POC1B: variants seen among roughly 807,000 people sequenced by gnomAD.
POC1B encodes the protein POC1 centriolar protein B.
A neutral mutation model predicts 60.6 loss-of-function variants in POC1B; 44 were observed. That is an observed-to-expected ratio of 0.73 (90% CI 0.57 to 0.93). The LOEUF is 0.93. Among genes scored for constraint, POC1B ranks in the 40% least tolerant of loss-of-function variants. The pLI is 0.00. For synonymous variants in POC1B, 180 were observed against 198.9 expected, an observed-to-expected ratio of 0.90 and a Z score of 0.80; for missense variants, 555 against 572.3, an observed-to-expected ratio of 0.97 and a Z score of 0.31.
chr12:89,524,095 A>C (rs1180106926), intron 2 of POC1B: 3 of 1,614,004 alleles, frequency 1.9e-6, no homozygotes, highest in Non-Finnish European at 1.7e-6. Context: ...AATGGTACGG[A>C]GCAAAGTCGA....
intron 4 of POC1B, among the ~76,000 whole-genome samples, chr12:89,482,475 C>T (rs1331142131): frequency 6.6e-6 from 1 of 152,020 alleles, no homozygotes. Context: ...TCCATAGATC[C>T]AAACAGTTCA....
At chr12:89,434,346 T>C (rs1367153576) in intron 10 of POC1B, among the ~76,000 whole-genome samples, 1 of 152,206 alleles carries the variant, frequency 6.6e-6, no homozygotes, top group East Asian at 1.9e-4. Context: ...ATTAATTCAG[T>C]CACCTCGGAA....
chr12:89,410,295 G>A, the POC1B span, among the ~76,000 whole-genome samples: 14 of 152,286 alleles, frequency 9.2e-5, no homozygotes, highest in African/African-American at 2.9e-4. Context: ...AGGTATTGAC[G>A]GAACGTCTCT....
intron 4 of POC1B, among the ~76,000 whole-genome samples, chr12:89,488,720 C>CT (rs1202064104): frequency 1.3e-5 from 2 of 152,158 alleles, no homozygotes; most frequent in South Asian, 4.1e-4. Flanking sequence ...CTCCTGACCT[C>CT]AAGTGATCTG....
intron 4 of POC1B, among the ~76,000 whole-genome samples, chr12:89,483,692 G>A (rs1158619192): frequency 1.3e-5 from 2 of 152,060 alleles, no homozygotes; most frequent in Non-Finnish European, 2.9e-5. Context: ...AGCACTAAAA[G>A]AAAAAATTAT....
chr12:89,523,757 C>G (rs1383557218), intron 2 of POC1B: 7 of 1,541,072 alleles, frequency 4.5e-6, no homozygotes, highest in South Asian at 1.3e-5. Context: ...ATATAGAATT[C>G]AAAAGTATTC....
At chr12:89,442,369 C>T (rs1881562936) in intron 10 of POC1B, among the ~76,000 whole-genome samples, 1 of 152,156 alleles carries the variant, frequency 6.6e-6, no homozygotes, top group Non-Finnish European at 1.5e-5. Flanking sequence ...GGTCAGGTTA[C>T]CCACAAAGGG....
At chr12:89,418,875 C>T (rs903704067), downstream of POC1B, among the ~76,000 whole-genome samples, 2 of 152,136 alleles carry the variant, frequency 1.3e-5, no homozygotes, top group Non-Finnish European at 2.9e-5. Context: ...ATTATCCAGC[C>T]TCAGGTATTC....
intron 11 of POC1B, 37 bp downstream of exon 11, chr12:89,425,124 C>T: frequency 1.9e-6 from 3 of 1,596,434 alleles, no homozygotes; most frequent in Non-Finnish European, 2.6e-6. Context: ...TGTATTTTAC[C>T]CCCAAGTGCA....
In POC1B at chr12:89,491,993, T is replaced by C; in HGVS notation, c.395A>G (p.Tyr132Cys). ...EDKSIKVWSM[Y>C]RQRFLYSLYR... ...CAAGGAATACAGGAAGCGCTGGCGA[T>C]ACATGCTCCATACTTTTATGGATTT... Residue 132 changes from tyrosine to cysteine, a missense_variant, in exon 4 of 12, where the codon TAT (tyrosine) becomes TGT (cysteine). Physicochemically the swap from Tyr to Cys is radical, Grantham distance 194. Coordinates refer to ENST00000313546, the MANE Select transcript of POC1B (RefSeq NM_172240.3). 6.2e-7 allele frequency: 1 copy of C among 1,605,546 alleles called. No homozygotes were observed. The highest frequency in any genetic ancestry group is 8.5e-7 in the Non-Finnish European group (1 of 1,177,214).
At chr12:89,502,412 T>C (rs1869619734) in intron 2 of POC1B, 1 of 1,469,594 alleles carries the variant, frequency 6.8e-7, no homozygotes. Context: ...GGATTCGTGA[T>C]TAGTGGAATA....
At chr12:89,445,104 A>G (rs926988795) in intron 10 of POC1B, among the ~76,000 whole-genome samples, 1 of 152,230 alleles carries the variant, frequency 6.6e-6, no homozygotes, top group Non-Finnish European at 1.5e-5. Flanking sequence ...ACAAAATAAA[A>G]GAGGCCACAA....
intron 4 of POC1B, among the ~76,000 whole-genome samples, chr12:89,486,815 CA>C (rs1248500391): frequency 1.3e-5 from 2 of 152,098 alleles, no homozygotes; most frequent in Non-Finnish European, 2.9e-5. Flanking sequence ...GCTCCAGTAT[CA>C]CTTCCTATGG....
chr12:89,483,419 A>T (rs1035024944), intron 4 of POC1B, among the ~76,000 whole-genome samples: 7 of 152,180 alleles, frequency 4.6e-5, no homozygotes, highest in African/African-American at 1.7e-4. Flanking sequence ...TGTCTTTATT[A>T]GTAGTGTGAG....
the POC1B span, among the ~76,000 whole-genome samples, chr12:89,413,294 C>A: frequency 1.3e-5 from 2 of 152,258 alleles, no homozygotes; most frequent in East Asian, 1.9e-4. Flanking sequence ...CAGACTCGAA[C>A]TCCTGGGCTC....
At chr12:89,518,947 AGT>A (rs1375570039) in intron 2 of POC1B, among the ~76,000 whole-genome samples, 2 of 152,180 alleles carry the variant, frequency 1.3e-5, no homozygotes, top group African/African-American at 4.8e-5. Flanking sequence ...ATTCTCAGGC[AGT>A]GTGTCTGGCC....
intron 2 of POC1B, among the ~76,000 whole-genome samples, chr12:89,510,284 A>G (rs1045814127): frequency 5.3e-5 from 8 of 152,098 alleles, no homozygotes; most frequent in Non-Finnish European, 1.0e-4. Flanking sequence ...CCTTTCTTTC[A>G]GGTGTGGTCC....
intron 10 of POC1B, among the ~76,000 whole-genome samples, chr12:89,432,383 T>TAA (rs57839375): frequency 1.9e-4 from 6 of 32,014 alleles, no homozygotes; most frequent in South Asian, 2.4e-3. Context: ...CTCTGTTTCT[T>TAA]AAAAAAAAAA....
At position 89,455,940 on chromosome 12, in the gene POC1B, TA is replaced by T. The variant is rs377360216; in HGVS notation, c.1113+3697del. On this transcript the variant is annotated intron_variant, in intron 10 of 11. Coordinates refer to ENST00000313546, the MANE Select transcript of POC1B (RefSeq NM_172240.3). ...CAGAATTTAAGAATTTTCCTAAAGA[TA>T]AAAAAAGTAATAACCCTAGAGTCTT... 6.9e-3 allele frequency among the ~76,000 whole-genome samples: 1,053 copies of T among 152,242 alleles called. 8 individuals carry two copies. The highest frequency in any genetic ancestry group is 0.023 in the African/African-American group (973 of 41,552).
Sources: allele counts gnomAD v4.1 joint callset (sites outside exome capture counted in the v4.1 genomes callset), GRCh38; gene constraint gnomAD v4.1.1; transcripts MANE v1.5; gene names NCBI Gene and HGNC (gene_info 2026-07-23, HGNC 2026-07-21).